The following NSUN7 variants were observed in gnomAD, a reference collection of about 807,000 sequenced individuals.
The protein encoded by NSUN7 is NOP2/Sun RNA methyltransferase family member 7, also known as protein NSUN7.
In NSUN7, 39 loss-of-function variants were observed where a neutral mutation model predicts 58.5. The observed-to-expected ratio is 0.67, with a 90% CI of 0.52 to 0.87. The LOEUF (loss-of-function observed/expected upper bound fraction) is 0.87. Among genes scored for constraint, NSUN7 ranks in the 40% least tolerant of loss-of-function variants. The pLI is 0.00. For missense variants in NSUN7, 765 were observed against 844.1 expected, an observed-to-expected ratio of 0.91 and a Z score of 1.16; for synonymous variants, 278 against 303.7, an observed-to-expected ratio of 0.92 and a Z score of 0.88.
chr4:40,794,377 A>G lies in NSUN7; in HGVS notation c.1183A>G (p.Thr395Ala). 3.2e-6 allele frequency: 5 copies of G among 1,587,190 alleles called. No individual in the cohort carries two copies. Among genetic ancestry groups the G allele is most frequent in the Non-Finnish European group, 4.3e-6 (5 of 1,159,572 alleles). Residue 395 changes from threonine to alanine, a missense_variant and splice_region_variant, in exon 9 of 12, where the codon ACA (threonine) becomes GCA (alanine). Physicochemically the swap from Thr to Ala is moderately conservative, Grantham distance 58. Transcript: ENST00000381782. ...VEFILNEHED[T>A]EFLKDHSQGG... ...AAGCATTTCTTTTTAAAATTCAGAT[A>G]CAGAATTCCTTAAAGATCACTCTCA...
intron 2 of NSUN7, among the ~76,000 whole-genome samples, chr4:40,753,480 C>T (rs1209368666): frequency 6.6e-6 from 1 of 152,026 alleles, no homozygotes; most frequent in Non-Finnish European, 1.5e-5. Context: ...ACCATCTTGC[C>T]CAGGCTGGTC....
chr4:40,770,015 G>A (rs1741921679), intron 4 of NSUN7, among the ~76,000 whole-genome samples: 1 of 151,874 alleles, frequency 6.6e-6, no homozygotes, highest in Non-Finnish European at 1.5e-5. Context: ...TTCGAGACCA[G>A]CCTGGACCAA....
In NSUN7 at chr4:40,776,217, G is replaced by T. The variant is rs371547373; in HGVS notation, c.994G>T (p.Asp332Tyr). 5.0e-6 allele frequency: 8 copies of T among 1,610,188 alleles called. No homozygotes were observed. In the African/African-American group the frequency reaches 1.1e-4, roughly 22 times the overall value. The change falls in exon 7 of 12, where the codon GAT becomes TAT. Residue 332 changes from aspartate to tyrosine, a missense_variant. Physicochemically the swap from Asp to Tyr is radical, Grantham distance 160. Coordinates refer to ENST00000381782, the MANE Select transcript of NSUN7 (RefSeq NM_024677.6). ...FVCGVQSQAK[D>Y]PDLKTLFTKI... ...GTGTGGAGTACAATCACAAGCTAAG[G>T]ATCCTGACTTGAAGACCCTTTTCAC...
intron 4 of NSUN7, among the ~76,000 whole-genome samples, chr4:40,762,881 T>G (rs1026483495): frequency 2.0e-5 from 3 of 152,082 alleles, no homozygotes; most frequent in Non-Finnish European, 4.4e-5. Context: ...ATGATCCTTA[T>G]GAGATCATCT....
chr4:40,758,804 G>A (rs1378737772), intron 2 of NSUN7, among the ~76,000 whole-genome samples: 1 of 152,180 alleles, frequency 6.6e-6, no homozygotes, highest in Non-Finnish European at 1.5e-5. Flanking sequence ...AGGGTTGCTT[G>A]AGCCCAGGAG....
intron 4 of NSUN7, among the ~76,000 whole-genome samples, chr4:40,767,023 CA>C (rs1349079745): frequency 4.7e-5 from 7 of 150,252 alleles, no homozygotes; most frequent in African/African-American, 7.4e-5. Flanking sequence ...TTGATCCTTT[CA>C]AAAAACCAGC....
Position 40,761,182 on chromosome 4 carries a change from G to T in NSUN7, c.369G>T (p.Leu123Phe). Reference sequence around the variant, plus strand: ...TTTTCCCTTGTTAGCCAGATCATTTGAGCAGTCTTATTATTGTGATGCTAT... The same window carrying T: ...TTTTCCCTTGTTAGCCAGATCATTTTAGCAGTCTTATTATTGTGATGCTAT... ...IFPSTTIPDH[L>F]SSLIIVMLYD... The change falls in exon 4 of 12, where the codon TTG becomes TTT. Residue 123 changes from leucine (L) to phenylalanine (F), a missense_variant. Transcript: ENST00000381782. 1 of 1,579,312 alleles carries T rather than the reference G, an allele frequency of 6.3e-7. No homozygotes were observed. Among genetic ancestry groups the T allele is most frequent in the Non-Finnish European group, 8.6e-7 (1 of 1,168,380 alleles).
At chr4:40,760,813 G>A (rs1467689983) in intron 3 of NSUN7, among the ~76,000 whole-genome samples, 1 of 142,516 alleles carries the variant, frequency 7.0e-6, no homozygotes, top group Non-Finnish European at 1.5e-5. Flanking sequence ...CAGTGAGCTA[G>A]ATTGCGCCAT....
intron 4 of NSUN7, among the ~76,000 whole-genome samples, chr4:40,770,967 C>G (rs1178817258): frequency 2.0e-5 from 3 of 152,172 alleles, no homozygotes; most frequent in African/African-American, 7.2e-5. Flanking sequence ...AGGAGAATCT[C>G]TTGAACCCAG....
intron 2 of NSUN7, among the ~76,000 whole-genome samples, chr4:40,753,792 G>A (rs1740960073): frequency 6.6e-6 from 1 of 152,124 alleles, no homozygotes; most frequent in Admixed American, 6.6e-5. Context: ...CATGGGGACA[G>A]GTCTTTCTTG....
intron 7 of NSUN7, among the ~76,000 whole-genome samples, chr4:40,777,674 C>T (rs1742337683): frequency 6.6e-6 from 1 of 152,170 alleles, no homozygotes; most frequent in South Asian, 2.1e-4. Context: ...AAAACACTGA[C>T]AGAACAAGAA....
intron 4 of NSUN7, among the ~76,000 whole-genome samples, chr4:40,763,300 G>A (rs970224237): frequency 6.6e-6 from 1 of 152,206 alleles, no homozygotes; most frequent in Non-Finnish European, 1.5e-5. Context: ...TGTTAAATAA[G>A]TAAGGATCTT....
intron 10 of NSUN7, among the ~76,000 whole-genome samples, chr4:40,801,073 G>GAGGAAAGA (rs1743559104): frequency 6.9e-6 from 1 of 145,208 alleles, no homozygotes; most frequent in East Asian, 2.1e-4. Context: ...GGGAGGGAGG[G>GAGGAAAGA]AGGGAGGGAG....
rs1386913026 is a variant in NSUN7, at chr4:40,774,815, C to T, written c.690C>T (p.Val230=). 1 of 1,559,896 alleles carries T rather than the reference C, an allele frequency of 6.4e-7. No individual in the cohort carries two copies. ...TGAAGAGAAGAGGCTATAATAAAGT[C>T]AAATCTGTATTGCATATTGATGATA... The part of the protein sequence containing the change: ...NNLKRRGYNK[V]KSVLHIDDKV... The change falls in exon 6 of 12, where the codon GTC becomes GTT. Residue 230 remains valine, a synonymous_variant. Coordinates refer to ENST00000381782, the MANE Select transcript of NSUN7 (RefSeq NM_024677.6).
chr4:40,798,843 G>A lies in NSUN7; in HGVS notation c.1339G>A (p.Glu447Lys). Residue 447 changes from glutamate (E) to lysine (K), a missense_variant, in exon 10 of 12, where the codon GAA becomes AAA. Transcript: ENST00000381782. ...ATGTTCAGTTTTTCCAGAAGAAAATGAAGCTGTTGTTAAGAAAGCACTGGA... is the reference window on the plus strand; with the variant it reads ...ATGTTCAGTTTTTCCAGAAGAAAATAAAGCTGTTGTTAAGAAAGCACTGGA... ...CTCSVFPEEN[E>K]AVVKKALEFQ... 1 of 1,612,888 alleles carries A rather than the reference G, an allele frequency of 6.2e-7. No homozygotes were observed. The highest frequency in any genetic ancestry group is 8.5e-7 in the Non-Finnish European group (1 of 1,179,324).
intron 4 of NSUN7, among the ~76,000 whole-genome samples, chr4:40,767,833 C>T (rs1741808618): frequency 6.6e-6 from 1 of 152,138 alleles, no homozygotes; most frequent in Non-Finnish European, 1.5e-5. Flanking sequence ...TTTTTTTCCT[C>T]TGCACATCTG....
chr4:40,762,084 CTT>C (rs1448086290), intron 4 of NSUN7, among the ~76,000 whole-genome samples: 1 of 152,192 alleles, frequency 6.6e-6, no homozygotes, highest in East Asian at 1.9e-4. Context: ...GGTTTGCTCT[CTT>C]GTGCTTTTGC....
In NSUN7 at chr4:40,776,444, G is replaced by A. The variant is rs138125434; in HGVS notation, c.1036+185G>A. 1,911 of 452,804 alleles carry A rather than the reference G, an allele frequency of 4.2e-3. 41 individuals carry two copies. The highest frequency in any genetic ancestry group is 0.042 in the East Asian group (1,204 of 28,962). The allele number at this position is 452,804 out of a possible 1,614,324, so 28.0% of individuals were successfully genotyped here. A position where few individuals can be genotyped will look rare whatever the true frequency, so the allele number is the denominator to read the frequency against. On this transcript the variant is annotated intron_variant, in intron 7 of 11. Coordinates refer to ENST00000381782, the MANE Select transcript of NSUN7 (RefSeq NM_024677.6). ...TTGCTTAATTTGGTTAAACAACTGT[G>A]GGTTAAATTAATTTCTTGGTACTTT...
In NSUN7 at chr4:40,809,960, T is replaced by C. The variant is rs1052072871; in HGVS notation, c.*1021T>C. The C allele has an allele frequency of 6.6e-6, 1 of 152,252 alleles. No homozygotes were observed. Among genetic ancestry groups the C allele is most frequent in the Non-Finnish European group, 1.5e-5 (1 of 68,040 alleles). The allele number at this position is 152,252 out of a possible 1,614,324, so 9.4% of individuals were successfully genotyped here. ...GATTTTTCATCATGGCAACAGAAAT[T>C]GTCATTAAATAGAATTAAGATACAA... On this transcript the variant is annotated 3_prime_UTR_variant, in exon 12 of 12. Transcript: ENST00000381782.
Sources: gnomAD v4.1 joint callset for allele counts (sites outside exome capture counted in the v4.1 genomes callset) on GRCh38, gnomAD v4.1.1 for gene constraint, MANE v1.5 for transcripts, NCBI Gene and HGNC (gene_info 2026-07-23, HGNC 2026-07-21) for gene names.